Variants in ARPP21 observed in about 807,000 individuals in gnomAD.
ARPP21 encodes the protein cAMP regulated phosphoprotein 21.
A neutral mutation model predicts 113.2 loss-of-function variants in ARPP21; 69 were observed. The ratio of observed to expected loss-of-function variants is 0.61; its 90% CI spans 0.50 to 0.74. The LOEUF is 0.74. Ranked by LOEUF, ARPP21 falls within the 30% of genes least tolerant of loss-of-function variation. The pLI, the probability that ARPP21 is intolerant of heterozygous loss-of-function variation, is 0.00. For missense variants in ARPP21, 1,070 were observed against 1,037.4 expected (o/e 1.03, Z -0.43); for synonymous variants, 368 against 375.5 (o/e 0.98, Z 0.23).
chr3:35,736,486 A>T (rs1379023559), intron 15 of ARPP21, among the ~76,000 whole-genome samples: 1 of 152,214 alleles, frequency 6.6e-6, no homozygotes, highest in Non-Finnish European at 1.5e-5. Context: ...ACAAAGCAAT[A>T]CTATGACGAA....
intron 10 of ARPP21, chr3:35,707,502 T>A (rs1333522471): frequency 2.2e-6 from 1 of 460,684 alleles, no homozygotes; most frequent in African/African-American, 2.0e-5. Context: ...TACGGACCGA[T>A]GATCAACCGG....
intron 9 of ARPP21, among the ~76,000 whole-genome samples, chr3:35,695,623 G>C (rs1175614620): frequency 6.6e-6 from 1 of 151,432 alleles, no homozygotes; most frequent in Non-Finnish European, 1.5e-5. Flanking sequence ...AGATTCATTG[G>C]GGACTACCTG....
At chr3:35,643,007 ATATCT>A (rs1157847886) in intron 1 of ARPP21, among the ~76,000 whole-genome samples, 1 of 152,126 alleles carries the variant, frequency 6.6e-6, no homozygotes, top group East Asian at 1.9e-4. Context: ...AAAGGGCAAA[ATATCT>A]TAACATTATA....
chr3:35,730,709 A>T (rs188243010), intron 15 of ARPP21, among the ~76,000 whole-genome samples: 1 of 152,180 alleles, frequency 6.6e-6, no homozygotes, highest in Non-Finnish European at 1.5e-5. Flanking sequence ...AAATTATCTG[A>T]CTCAATCTTC....
At chr3:35,650,271 C>G (rs1701882907) in intron 1 of ARPP21, 2 of 152,102 alleles carry the variant, frequency 1.3e-5, no homozygotes, top group South Asian at 4.1e-4. Flanking sequence ...GTCTTTGCAT[C>G]AGATATCATT....
At chr3:35,715,573 T>C (rs2092270188) in intron 12 of ARPP21, 97 bp downstream of exon 12, 6 of 965,854 alleles carry the variant, frequency 6.2e-6, no homozygotes, top group Middle Eastern at 2.2e-4. Flanking sequence ...ATGTGTGTGC[T>C]TGAATATATG....
chr3:35,763,597 G>A (rs1439581800), intron 19 of ARPP21, among the ~76,000 whole-genome samples: 1 of 151,968 alleles, frequency 6.6e-6, no homozygotes, highest in Non-Finnish European at 1.5e-5. Flanking sequence ...TCACTAGAAT[G>A]GAACAAAACC....
chr3:35,719,720 T>A (rs905416505), intron 13 of ARPP21, among the ~76,000 whole-genome samples: 3 of 152,184 alleles, frequency 2.0e-5, no homozygotes, highest in Non-Finnish European at 4.4e-5. Flanking sequence ...ATCCATCTCA[T>A]GCATCCTGTA....
intron 19 of ARPP21, among the ~76,000 whole-genome samples, chr3:35,776,037 C>T (rs191856548): frequency 6.6e-6 from 1 of 152,072 alleles, no homozygotes; most frequent in Non-Finnish European, 1.5e-5. Context: ...TCTTCAGTCC[C>T]TAAAGCCCAA....
rs201511348 is a variant in ARPP21, at chr3:35,689,402, G to A, written c.485+17G>A. 5.8e-6 allele frequency: 7 copies of A among 1,210,678 alleles called. No individual in the cohort carries two copies. Among genetic ancestry groups the A allele is most frequent in the Admixed American group, 5.1e-5 (3 of 58,462 alleles). The allele number at this position is 1,210,678 out of a possible 1,614,324, so 75.0% of individuals were successfully genotyped here. On this transcript the variant is annotated intron_variant, in intron 7 of 20. Coordinates refer to ENST00000684406, the MANE Select transcript of ARPP21 (RefSeq NM_001385562.1). ...TAATTCCAGGTAAATTATTAAATGA[G>A]CCTCTTATTTTTAGAAGGATCAAAT...
chr3:35,737,373 G>C lies in ARPP21; in HGVS notation c.1644+11G>C. The C allele has an allele frequency of 6.3e-7, 1 of 1,589,824 alleles. No homozygotes were observed. The highest frequency in any genetic ancestry group is 8.6e-7 in the Non-Finnish European group (1 of 1,163,748). On this transcript the variant is annotated intron_variant, in intron 16 of 20. Coordinates refer to ENST00000684406, the MANE Select transcript of ARPP21 (RefSeq NM_001385562.1). ...CCTCTGGTCACTCAGGTAGGGGGCT[G>C]GTTGGAAGGCAGGGAAGGGAAGTAC... is the stretch of plus-strand genomic sequence containing the variant.
At chr3:35,690,509 G>A (rs1024327891) in intron 8 of ARPP21, among the ~76,000 whole-genome samples, 1 of 151,444 alleles carries the variant, frequency 6.6e-6, no homozygotes, top group African/African-American at 2.4e-5. Flanking sequence ...ACCGTGTAAT[G>A]ACACATCTCC....
At chr3:35,674,552 A>C (rs2077046687) in intron 1 of ARPP21, among the ~76,000 whole-genome samples, 1 of 151,898 alleles carries the variant, frequency 6.6e-6, no homozygotes, top group Admixed American at 6.6e-5. Context: ...AAACCTGGGT[A>C]TACTTTATCT....
intron 19 of ARPP21, among the ~76,000 whole-genome samples, chr3:35,757,703 A>C (rs2095623142): frequency 6.6e-6 from 1 of 152,164 alleles, no homozygotes; most frequent in African/African-American, 2.4e-5. Context: ...TAACACAACA[A>C]TGAATTTTTA....
chr3:35,649,466 T>C (rs1445292617), intron 1 of ARPP21, among the ~76,000 whole-genome samples: 1 of 152,142 alleles, frequency 6.6e-6, no homozygotes, highest in Non-Finnish European at 1.5e-5. Context: ...GTTAATATGG[T>C]CTTGGAAGAA....
chr3:35,677,271 AAT>A (rs1194048751), intron 1 of ARPP21, among the ~76,000 whole-genome samples: 1 of 151,390 alleles, frequency 6.6e-6, no homozygotes, highest in Non-Finnish European at 1.5e-5. Flanking sequence ...TAATATGTGT[AAT>A]ACACACACAC....
intron 1 of ARPP21, among the ~76,000 whole-genome samples, chr3:35,667,474 G>A (rs913604336): frequency 2.6e-5 from 4 of 151,984 alleles, no homozygotes; most frequent in African/African-American, 9.7e-5. Flanking sequence ...CATTCTACTA[G>A]ATGTTTTAGT....
At chr3:35,752,719 A>G (rs1316383265) in intron 19 of ARPP21, among the ~76,000 whole-genome samples, 1 of 152,068 alleles carries the variant, frequency 6.6e-6, no homozygotes, top group African/African-American at 2.4e-5. Flanking sequence ...TGCTGGCGCT[A>G]CTGGTCTACT....
intron 14 of ARPP21, among the ~76,000 whole-genome samples, chr3:35,729,034 A>G (rs1375356416): frequency 2.0e-5 from 3 of 152,038 alleles, no homozygotes; most frequent in Non-Finnish European, 4.4e-5. Flanking sequence ...CCAGTTTATC[A>G]CCCTAGTAGT....
Sources: allele counts gnomAD v4.1 joint callset (sites outside exome capture counted in the v4.1 genomes callset), GRCh38; gene constraint gnomAD v4.1.1; transcripts MANE v1.5; gene names NCBI Gene and HGNC (gene_info 2026-07-23, HGNC 2026-07-21).